Variants in CIMIP5 observed in about 807,000 individuals in gnomAD.
CIMIP5 encodes the protein ciliary microtubule inner protein 5.
At chr2:11,140,416 G>T in the CIMIP5 span, 12 of 698,604 alleles carry the variant, frequency 1.7e-5, no homozygotes, top group Non-Finnish European at 2.5e-5. Context: ...GTTCTTCCAC[G>T]TGATACATTG....
chr2:11,153,449 C>G, the CIMIP5 span, among the ~76,000 whole-genome samples: 2 of 152,222 alleles, frequency 1.3e-5, no homozygotes, highest in African/African-American at 4.8e-5. Context: ...TGGCCAACCC[C>G]TGGAATAAAG....
chr2:11,134,920 T>C, the CIMIP5 span, among the ~76,000 whole-genome samples: 561 of 152,306 alleles, frequency 3.7e-3, 2 homozygotes, highest in African/African-American at 0.013. Context: ...TGGAATCCAC[T>C]TGGCTTCTGG....
the CIMIP5 span, chr2:11,133,533 C>T: frequency 6.2e-7 from 1 of 1,607,830 alleles, no homozygotes; most frequent in Non-Finnish European, 8.5e-7. Context: ...CGATGGCGTG[C>T]AGCAGGACCA....
At chr2:11,150,175 G>A in the CIMIP5 span, among the ~76,000 whole-genome samples, 58 of 151,852 alleles carry the variant, frequency 3.8e-4, no homozygotes, top group South Asian at 0.012. Context: ...CTCGAACCTC[G>A]TGATCCACTC....
the CIMIP5 span, among the ~76,000 whole-genome samples, chr2:11,134,598 T>C: frequency 1.3e-5 from 2 of 152,222 alleles, no homozygotes; most frequent in Admixed American, 1.3e-4. Context: ...ATGTCTGTTT[T>C]GTTAGTATCC....
At chr2:11,151,704 C>T in the CIMIP5 span, among the ~76,000 whole-genome samples, 7 of 152,242 alleles carry the variant, frequency 4.6e-5, no homozygotes, top group South Asian at 2.1e-4. Flanking sequence ...GGCACGATCT[C>T]GGCCCAGTGC....
At chr2:11,147,565 T>G in the CIMIP5 span, among the ~76,000 whole-genome samples, 3 of 152,218 alleles carry the variant, frequency 2.0e-5, no homozygotes, top group African/African-American at 7.2e-5. Context: ...CACTTCAGGT[T>G]AGGTTCAAGT....
chr2:11,148,986 G>A, the CIMIP5 span, among the ~76,000 whole-genome samples: 3,246 of 151,968 alleles, frequency 0.021, 130 homozygotes, highest in African/African-American at 0.074. Flanking sequence ...CGCCCGCCTC[G>A]GCCTCCCAAA....
the CIMIP5 span, chr2:11,133,297 C>A: frequency 1.3e-6 from 2 of 1,543,176 alleles, no homozygotes; most frequent in South Asian, 1.2e-5. Context: ...CTCTCTCTCT[C>A]TCTGACACAA....
the CIMIP5 span, among the ~76,000 whole-genome samples, chr2:11,149,393 T>C: frequency 6.6e-6 from 1 of 151,536 alleles, no homozygotes. Flanking sequence ...TGCCAAAGAG[T>C]TGGCCTTGAT....
chr2:11,133,600 C>T, the CIMIP5 span: 1 of 1,577,780 alleles, frequency 6.3e-7, no homozygotes, highest in East Asian at 2.3e-5. Context: ...TGGTGAGTAC[C>T]TGCCCTCCCT....
At chr2:11,148,118 ATTT>A in the CIMIP5 span, among the ~76,000 whole-genome samples, 1 of 143,070 alleles carries the variant, frequency 7.0e-6, no homozygotes. Context: ...CTTGCTTCAC[ATTT>A]TTTTTTTTTT....
At chr2:11,149,024 G>A in the CIMIP5 span, among the ~76,000 whole-genome samples, 1 of 151,988 alleles carries the variant, frequency 6.6e-6, no homozygotes, top group African/African-American at 2.4e-5. Flanking sequence ...ATGAGCCACT[G>A]CGCCTGGCCA....
the CIMIP5 span, among the ~76,000 whole-genome samples, chr2:11,148,203 C>T: frequency 5.3e-5 from 8 of 151,948 alleles, no homozygotes; most frequent in Non-Finnish European, 7.4e-5. Context: ...CCACAACCTC[C>T]GCCTACCAGG....
At chr2:11,147,724 T>C in the CIMIP5 span, among the ~76,000 whole-genome samples, 2 of 152,240 alleles carry the variant, frequency 1.3e-5, no homozygotes, top group Non-Finnish European at 2.9e-5. Context: ...TACTCTGCAA[T>C]GACCTGTCAT....
chr2:11,151,278 G>T, the CIMIP5 span, among the ~76,000 whole-genome samples: 1 of 152,224 alleles, frequency 6.6e-6, no homozygotes, highest in African/African-American at 2.4e-5. Context: ...GGGACGTGTC[G>T]TCAGGACCTG....
At chr2:11,143,592 C>T in the CIMIP5 span, among the ~76,000 whole-genome samples, 15,352 of 150,934 alleles carry the variant, frequency 0.1, 2,078 homozygotes, top group African/African-American at 0.31. Flanking sequence ...AAAATCAAAA[C>T]CTCCCACCAG....
the CIMIP5 span, chr2:11,133,631 C>G: frequency 6.4e-6 from 10 of 1,551,080 alleles, no homozygotes; most frequent in Admixed American, 7.8e-5. Context: ...GACTCCGCAG[C>G]CTGACTGCAA....
At chr2:11,135,667 G>T in the CIMIP5 span, among the ~76,000 whole-genome samples, 5 of 141,918 alleles carry the variant, frequency 3.5e-5, no homozygotes, top group African/African-American at 7.7e-5. Context: ...GGTTTTTTTG[G>T]TTTTTTTTTT....
Sources: gnomAD v4.1 joint callset for allele counts (sites outside exome capture counted in the v4.1 genomes callset) on GRCh38, gnomAD v4.1.1 for gene constraint, MANE v1.5 for transcripts, NCBI Gene and HGNC (gene_info 2026-07-23, HGNC 2026-07-21) for gene names.